The following AGBL4 variants were observed in gnomAD, a reference collection of about 807,000 sequenced individuals.
AGBL4 encodes AGBL carboxypeptidase 4, also known as cytosolic carboxypeptidase 6.
AGBL4 carries 58 observed loss-of-function variants against 66.4 expected under a neutral mutation model. The observed-to-expected ratio is 0.87, with a 90% confidence interval of 0.71 to 1.09. The LOEUF (loss-of-function observed/expected upper bound fraction) is 1.09. Among genes scored for constraint, AGBL4 ranks in the 50% least tolerant of loss-of-function variants. The pLI, the probability that AGBL4 is intolerant of heterozygous loss-of-function variation, is 0.00. For missense variants in AGBL4, 579 were observed against 631.0 expected (o/e 0.92, Z 0.88); for synonymous variants, 234 against 222.9 (o/e 1.05, Z -0.44).
At chr1:48,967,279 T>C (rs1309624406) in intron 5 of AGBL4, among the ~76,000 whole-genome samples, 7 of 152,126 alleles carry the variant, frequency 4.6e-5, no homozygotes, top group Non-Finnish European at 7.4e-5. Flanking sequence ...CTGTGAGTAC[T>C]TACCACTGTC....
chr1:49,045,701 ATCT>A lies in AGBL4; in HGVS notation c.474_476del (p.Glu158del), dbSNP rs748193774. 2.6e-6 allele frequency: 4 copies of A among 1,557,644 alleles called. No homozygotes were observed. Among genetic ancestry groups the A allele is most frequent in the Middle Eastern group, 1.7e-4 (1 of 6,002 alleles). ...GGTAGCAGTAAGCAAACTGGTAAAT[ATCT>A]TCTTCTCGGTCAAAACAAAAGGCAA... On this transcript the variant is annotated inframe_deletion, in exon 5 of 14. Coordinates refer to ENST00000371839, the MANE Select transcript of AGBL4 (RefSeq NM_032785.4).
chr1:48,877,197 A>C (rs541713855), intron 5 of AGBL4, among the ~76,000 whole-genome samples: 11 of 152,356 alleles, frequency 7.2e-5, no homozygotes, highest in African/African-American at 2.6e-4. Context: ...ACAAATGCCC[A>C]TAAAAACTTG....
chr1:49,258,640 G>C (rs1283314202), intron 3 of AGBL4, among the ~76,000 whole-genome samples: 1 of 152,342 alleles, frequency 6.6e-6, no homozygotes, highest in East Asian at 1.9e-4. Context: ...AAGCCTCCAA[G>C]AAATATGGGA....
intron 3 of AGBL4, among the ~76,000 whole-genome samples, chr1:49,322,122 T>G (rs1396609863): frequency 6.6e-6 from 1 of 152,254 alleles, no homozygotes; most frequent in Non-Finnish European, 1.5e-5. Flanking sequence ...AAACCTTTCC[T>G]GATTAATGAA....
intron 8 of AGBL4, among the ~76,000 whole-genome samples, chr1:48,640,886 A>G (rs1403060134): frequency 2.6e-5 from 4 of 152,210 alleles, no homozygotes; most frequent in Non-Finnish European, 5.9e-5. Context: ...CCTTATCGCT[A>G]TTCGCAATAA....
chr1:49,119,138 C>CA (rs1385465138), intron 4 of AGBL4, among the ~76,000 whole-genome samples: 2 of 152,012 alleles, frequency 1.3e-5, no homozygotes. Flanking sequence ...TTGATCTTTT[C>CA]AAAAAACCAG....
intron 5 of AGBL4, among the ~76,000 whole-genome samples, chr1:48,932,186 A>G (rs762735086): frequency 2.6e-5 from 4 of 152,346 alleles, no homozygotes; most frequent in Admixed American, 1.3e-4. Context: ...AGAGATAGGT[A>G]TGCAGGATGG....
chr1:49,126,972 T>C (rs1265544368), intron 4 of AGBL4, among the ~76,000 whole-genome samples: 1 of 152,118 alleles, frequency 6.6e-6, no homozygotes, highest in Non-Finnish European at 1.5e-5. Flanking sequence ...GTATATCACA[T>C]TCAAAAGCAC....
intron 3 of AGBL4, among the ~76,000 whole-genome samples, chr1:49,366,986 C>T (rs1164779202): frequency 6.6e-6 from 1 of 152,186 alleles, no homozygotes; most frequent in Non-Finnish European, 1.5e-5. Context: ...GAGGCACAGA[C>T]ATAGACATTT....
chr1:49,926,575 C>T (rs1652798018), intron 1 of AGBL4, among the ~76,000 whole-genome samples: 1 of 152,050 alleles, frequency 6.6e-6, no homozygotes, highest in African/African-American at 2.4e-5. Context: ...GGAACCAATC[C>T]CAGAGGGACA....
intron 3 of AGBL4, among the ~76,000 whole-genome samples, chr1:49,621,759 A>G (rs1282634276): frequency 2.0e-5 from 3 of 152,146 alleles, no homozygotes; most frequent in Admixed American, 6.5e-5. Flanking sequence ...TGCCTTTCCT[A>G]CATGTCAGGG....
intron 5 of AGBL4, among the ~76,000 whole-genome samples, chr1:48,933,455 A>T (rs1655198838): frequency 6.6e-6 from 1 of 152,182 alleles, no homozygotes; most frequent in South Asian, 2.1e-4. Context: ...TTTAGTTGGG[A>T]TCTGCTCCCT....
At chr1:49,953,182 G>A (rs1241258074) in intron 1 of AGBL4, among the ~76,000 whole-genome samples, 1 of 151,938 alleles carries the variant, frequency 6.6e-6, no homozygotes, top group African/African-American at 2.4e-5. Flanking sequence ...TTATGGACCA[G>A]TAATGAAATG....
At chr1:48,732,936 T>C (rs1446352230) in intron 6 of AGBL4, among the ~76,000 whole-genome samples, 1 of 151,786 alleles carries the variant, frequency 6.6e-6, no homozygotes, top group Non-Finnish European at 1.5e-5. Flanking sequence ...GGTTTCTCAG[T>C]GAAGGAGGAA....
At chr1:49,041,376 A>G (rs1643937749) in intron 5 of AGBL4, among the ~76,000 whole-genome samples, 4 of 152,170 alleles carry the variant, frequency 2.6e-5, no homozygotes. Context: ...GGTCCAGAAC[A>G]GAGGATTGAG....
chr1:49,152,773 G>A (rs1376768987), intron 4 of AGBL4, among the ~76,000 whole-genome samples: 1 of 152,208 alleles, frequency 6.6e-6, no homozygotes, highest in African/African-American at 2.4e-5. Flanking sequence ...CTGGCCATAT[G>A]CCAAGAAGCT....
chr1:49,374,957 T>G (rs1644441776), intron 3 of AGBL4, among the ~76,000 whole-genome samples: 1 of 152,184 alleles, frequency 6.6e-6, no homozygotes. Flanking sequence ...AAGGCAATTC[T>G]ATTTCCATCT....
At chr1:49,068,991 G>A (rs191095940) in intron 4 of AGBL4, among the ~76,000 whole-genome samples, 31 of 152,292 alleles carry the variant, frequency 2.0e-4, no homozygotes, top group African/African-American at 6.7e-4. Flanking sequence ...GTGATGATGA[G>A]CATTTTTTCA....
In AGBL4 at chr1:49,460,591, T is replaced by G. The variant is rs541223745; in HGVS notation, c.283-214727A>C. Among the ~76,000 whole-genome samples, 6 of 151,868 alleles carry G rather than the reference T, an allele frequency of 4.0e-5. No individual in the cohort carries two copies. In the South Asian group the frequency reaches 1.2e-3, roughly 32 times the overall value. On this transcript the variant is annotated intron_variant, in intron 3 of 13. Transcript: ENST00000371839. The stretch of plus-strand genomic sequence containing the variant: ...ATTGAAGCATGTAGGCCACTTACAT[T>G]CAACGTTAGGATTGAGATGTGAGGT...
Sources: gnomAD v4.1 joint callset for allele counts (sites outside exome capture counted in the v4.1 genomes callset) on GRCh38, gnomAD v4.1.1 for gene constraint, MANE v1.5 for transcripts, NCBI Gene and HGNC (gene_info 2026-07-23, HGNC 2026-07-21) for gene names.